MND1: variants seen among roughly 807,000 people sequenced by gnomAD.
The protein encoded by MND1 is meiotic nuclear divisions 1.
MND1 carries 28 observed loss-of-function variants against 35.1 expected under a neutral mutation model. The ratio of observed to expected loss-of-function variants is 0.80; its 90% CI spans 0.59 to 1.09. The LOEUF (loss-of-function observed/expected upper bound fraction) is 1.09, where lower values mean the gene tolerates loss of function less well. Among genes scored for constraint, MND1 ranks in the 50% least tolerant of loss-of-function variants. MND1 has a pLI of 0.00. For synonymous variants in MND1, 69 were observed against 70.5 expected (o/e 0.98, Z 0.11); for missense variants, 213 against 239.6 (o/e 0.89, Z 0.73).
Position 153,376,722 on chromosome 4 carries a change from C to T in MND1, c.277-17540C>T, listed in dbSNP as rs187049132. ...TTATTTTTGTATTTGTACCCCTGTCCGTCCCTTCCACACTTCCTGTTCTGA... is the reference window on the plus strand; with the variant it reads ...TTATTTTTGTATTTGTACCCCTGTCTGTCCCTTCCACACTTCCTGTTCTGA... On this transcript the variant is annotated intron_variant, in intron 4 of 7. Transcript: ENST00000240488. 1.5e-3 allele frequency among the ~76,000 whole-genome samples: 227 copies of T among 152,146 alleles called. 3 individuals carry two copies. The highest frequency in any genetic ancestry group is 1.0e-3 in the Non-Finnish European group (70 of 67,970).
chr4:153,396,134 A>C (rs983533093), intron 5 of MND1, among the ~76,000 whole-genome samples: 24 of 152,200 alleles, frequency 1.6e-4, no homozygotes, highest in Admixed American at 1.4e-3. Context: ...GATATACACT[A>C]ACCATGTGTG....
intron 2 of MND1, among the ~76,000 whole-genome samples, chr4:153,350,533 AC>A (rs1773188127): frequency 6.6e-6 from 1 of 152,232 alleles, no homozygotes. Flanking sequence ...CAGAGGGAGT[AC>A]CAAATACTAT....
At position 153,345,940 on chromosome 4, in the gene MND1, C is replaced by T. The variant is rs765660921; in HGVS notation, c.3+1200C>T. On this transcript the variant is annotated intron_variant, in intron 1 of 7. Coordinates refer to ENST00000240488, the MANE Select transcript of MND1 (RefSeq NM_032117.4). ...CTTGGAGAACTGTGCAGCTCAAACG[C>T]GCGTTGTCCTTTTACCTAATCTATC... Among the ~76,000 whole-genome samples the T allele has an allele frequency of 1.7e-4, 25 of 150,456 alleles. 1 individual carries two copies. Among genetic ancestry groups the T allele is most frequent in the Admixed American group, 3.3e-4 (5 of 14,966 alleles).
At chr4:153,375,736 A>G (rs1243830822) in intron 4 of MND1, among the ~76,000 whole-genome samples, 1 of 152,098 alleles carries the variant, frequency 6.6e-6, no homozygotes, top group African/African-American at 2.4e-5. Context: ...ATTATATGTA[A>G]GCTTAGAAAA....
chr4:153,388,426 G>A (rs1003782411), intron 4 of MND1, among the ~76,000 whole-genome samples: 1 of 152,142 alleles, frequency 6.6e-6, no homozygotes, highest in African/African-American at 2.4e-5. Context: ...TTTCAAGGCT[G>A]TAGTGAGCCA....
At chr4:153,393,360 A>ATTTC (rs1277535051) in intron 4 of MND1, among the ~76,000 whole-genome samples, 6 of 147,736 alleles carry the variant, frequency 4.1e-5, no homozygotes, top group African/African-American at 1.5e-4. Flanking sequence ...TTCAAATTCA[A>ATTTC]TTTCTTTCTT....
chr4:153,356,391 A>G (rs2149632016), intron 3 of MND1, among the ~76,000 whole-genome samples: 1 of 152,112 alleles, frequency 6.6e-6, no homozygotes, highest in Middle Eastern at 3.4e-3. Context: ...TCTACTAAAA[A>G]TACAAAAAAA....
chr4:153,374,475 CA>C (rs1310350164), intron 4 of MND1, among the ~76,000 whole-genome samples: 1 of 152,092 alleles, frequency 6.6e-6, no homozygotes, highest in African/African-American at 2.4e-5. Flanking sequence ...TGGTGGGATT[CA>C]CATAAAGATA....
rs192019358 is a variant in MND1, at chr4:153,382,629, C to A, written c.277-11633C>A. 9.2e-5 allele frequency among the ~76,000 whole-genome samples: 14 copies of A among 152,220 alleles called. No individual in the cohort carries two copies. In the East Asian group the frequency reaches 1.9e-3, roughly 21 times the overall value. On this transcript the variant is annotated intron_variant, in intron 4 of 7. Coordinates refer to ENST00000240488, the MANE Select transcript of MND1 (RefSeq NM_032117.4). The stretch of plus-strand genomic sequence containing the variant: ...AAATTTAATGGGAAGTTTATTTTAA[C>A]CTGATCTAAATAGAAATTTAAATCT...
At chr4:153,380,337 C>T (rs999760871) in intron 4 of MND1, among the ~76,000 whole-genome samples, 3 of 152,066 alleles carry the variant, frequency 2.0e-5, no homozygotes, top group African/African-American at 7.2e-5. Context: ...TTCCTTTTTA[C>T]ATGCAAGTAG....
chr4:153,348,871 A>G (rs1327161906), intron 1 of MND1, among the ~76,000 whole-genome samples: 2 of 152,202 alleles, frequency 1.3e-5, no homozygotes, highest in Admixed American at 6.5e-5. Flanking sequence ...TGTAGCCAGA[A>G]TGGCAATTCC....
intron 4 of MND1, among the ~76,000 whole-genome samples, chr4:153,384,594 A>G (rs28424216): frequency 0.27 from 40,413 of 151,198 alleles, 6,417 homozygotes; most frequent in African/African-American, 0.45. Flanking sequence ...TGCACAGCCT[A>G]TTTCTACTTT....
intron 4 of MND1, among the ~76,000 whole-genome samples, chr4:153,385,532 A>G (rs1728829022): frequency 6.6e-6 from 1 of 152,052 alleles, no homozygotes; most frequent in African/African-American, 2.4e-5. Context: ...CCTGGTCAAC[A>G]TGGTAAAACA....
At chr4:153,394,791 C>T (rs901697147) in intron 5 of MND1, among the ~76,000 whole-genome samples, 1 of 152,026 alleles carries the variant, frequency 6.6e-6, no homozygotes, top group Non-Finnish European at 1.5e-5. Context: ...AAACTATCAA[C>T]ATAGTATCTT....
rs1561053677 is a variant in MND1, at chr4:153,351,128, T to A, written c.69+999T>A. Reference sequence around the variant, plus strand: ...AAATTATAGCAATTCTTCTGCTGAGTTGAAATATTTTTCCTATGGTCTCAG... The same window carrying A: ...AAATTATAGCAATTCTTCTGCTGAGATGAAATATTTTTCCTATGGTCTCAG... On this transcript the variant is annotated intron_variant, in intron 2 of 7. Transcript: ENST00000240488. Among the ~76,000 whole-genome samples, 3 of 152,288 alleles carry A rather than the reference T, an allele frequency of 2.0e-5. No homozygotes were observed. In the East Asian group the frequency reaches 5.8e-4, roughly 29 times the overall value.
chr4:153,405,892 C>A (rs183189601), intron 6 of MND1, among the ~76,000 whole-genome samples: 1 of 152,202 alleles, frequency 6.6e-6, no homozygotes, highest in Admixed American at 6.5e-5. Flanking sequence ...GCAGGCTCTG[C>A]CTCCCGGGTT....
Position 153,358,572 on chromosome 4 carries a change from A to G in MND1, c.226A>G (p.Ser76Gly). ...TTCTAATTATTATTGGGCTTTTCCA[A>G]GTAAAGCTCTTCATGCAAGGAAACA... ...GTSNYYWAFP[S>G]KALHARKHKL... Residue 76 changes from serine to glycine, a missense_variant, in exon 4 of 8, where the codon AGT becomes GGT. Physicochemically the swap from Ser to Gly is moderately conservative, Grantham distance 56 (BLOSUM62 0). Transcript: ENST00000240488. 1.2e-6 allele frequency: 2 copies of G among 1,613,636 alleles called. No individual in the cohort carries two copies. The highest frequency in any genetic ancestry group is 1.7e-6 in the Non-Finnish European group (2 of 1,179,802).
At chr4:153,358,997 C>G (rs1042224463) in intron 4 of MND1, among the ~76,000 whole-genome samples, 1 of 152,266 alleles carries the variant, frequency 6.6e-6, no homozygotes. Context: ...TATTGACATC[C>G]TATACTAGTG....
At chr4:153,390,941 GTA>G (rs1453318566) in intron 4 of MND1, among the ~76,000 whole-genome samples, 25,497 of 149,014 alleles carry the variant, frequency 0.17, 2,299 homozygotes, top group African/African-American at 0.21. Context: ...GTGTGTGTGT[GTA>G]TATAAAATGT....
Sources: gnomAD v4.1 joint callset for allele counts (sites outside exome capture counted in the v4.1 genomes callset) on GRCh38, gnomAD v4.1.1 for gene constraint, MANE v1.5 for transcripts, NCBI Gene and HGNC (gene_info 2026-07-23, HGNC 2026-07-21) for gene names.